HCN1: variants seen among roughly 807,000 people sequenced by gnomAD.
The protein encoded by HCN1 is potassium/sodium hyperpolarization-activated cyclic nucleotide-gated channel 1.
Under a neutral mutation model 78.9 loss-of-function variants are expected in HCN1, and 13 were observed. That is an observed-to-expected ratio of 0.16 (90% CI 0.11 to 0.26). The LOEUF (loss-of-function observed/expected upper bound fraction) is 0.26. HCN1 is among the 10% of genes least tolerant of loss of function. The pLI is 1.00. For missense variants in HCN1, 810 were observed against 1,154.3 expected, an observed-to-expected ratio of 0.70 and a Z score of 4.32; for synonymous variants, 552 against 455.5, an observed-to-expected ratio of 1.21 and a Z score of -2.70.
intron 2 of HCN1, among the ~76,000 whole-genome samples, chr5:45,587,747 A>G (rs1303780736): frequency 6.6e-6 from 1 of 152,132 alleles, no homozygotes; most frequent in Non-Finnish European, 1.5e-5. Context: ...AAAATTAAAG[A>G]CCCAGAACAT....
At chr5:45,273,003 T>C (rs1252595278) in intron 6 of HCN1, among the ~76,000 whole-genome samples, 4 of 152,124 alleles carry the variant, frequency 2.6e-5, no homozygotes. Context: ...AGAGCTCAAC[T>C]AAGAACTTCC....
chr5:45,615,845 G>A (rs2696008), intron 2 of HCN1, among the ~76,000 whole-genome samples: 110 of 151,782 alleles, frequency 7.2e-4, no homozygotes, highest in African/African-American at 2.5e-3. Flanking sequence ...GATTACAAAC[G>A]AATCTTCTAT....
chr5:45,593,610 G>T (rs1460293896), intron 2 of HCN1, among the ~76,000 whole-genome samples: 1 of 150,940 alleles, frequency 6.6e-6, no homozygotes, highest in East Asian at 1.9e-4. Context: ...ATGTGTTCTG[G>T]ACTTTTAAAT....
chr5:45,412,050 A>G (rs1419640429), intron 3 of HCN1, among the ~76,000 whole-genome samples: 1 of 152,134 alleles, frequency 6.6e-6, no homozygotes, highest in African/African-American at 2.4e-5. Context: ...AAACAACAGT[A>G]TGGCTTACTG....
At chr5:45,342,667 C>G (rs371514955) in intron 5 of HCN1, among the ~76,000 whole-genome samples, 1 of 151,928 alleles carries the variant, frequency 6.6e-6, no homozygotes. Context: ...GATATTTAGC[C>G]TCATATTTTT....
intron 2 of HCN1, among the ~76,000 whole-genome samples, chr5:45,637,654 G>C (rs1271368766): frequency 1.3e-5 from 2 of 151,596 alleles, no homozygotes; most frequent in African/African-American, 4.8e-5. Context: ...TAAATAAAAT[G>C]AGATGGATAA....
intron 2 of HCN1, among the ~76,000 whole-genome samples, chr5:45,629,253 T>C (rs991183074): frequency 2.6e-5 from 4 of 152,232 alleles, no homozygotes; most frequent in African/African-American, 9.6e-5. Context: ...AGTATATTAA[T>C]ATCCTTTTCT....
At chr5:45,401,324 G>A (rs1436483840) in intron 3 of HCN1, among the ~76,000 whole-genome samples, 1 of 152,066 alleles carries the variant, frequency 6.6e-6, no homozygotes. Flanking sequence ...TACCAAATGG[G>A]CTTGCTCATC....
intron 2 of HCN1, among the ~76,000 whole-genome samples, chr5:45,581,954 T>C (rs1475513591): frequency 1.3e-5 from 2 of 152,216 alleles, no homozygotes; most frequent in Non-Finnish European, 2.9e-5. Flanking sequence ...TCAGGTAGTG[T>C]GATGCCTCCA....
rs1369376449 is a variant in HCN1 at position 45,351,145 on chromosome 5, C to T, written c.1377+1955G>A. ...AAACTATACTACAAGTCTACAGTAA[C>T]CAAAACAGCATGGTACTGATACCAA... is the stretch of plus-strand genomic sequence containing the variant. On this transcript the variant is annotated intron_variant, in intron 5 of 7. Transcript: ENST00000303230. Among the ~76,000 whole-genome samples, 8 of 152,044 alleles carry T rather than the reference C, an allele frequency of 5.3e-5. No homozygotes were observed. The East Asian group carries it at 5.8e-4, about 11-fold the overall frequency.
chr5:45,677,999 CACACACACACACACAT>C (rs1739621461), intron 1 of HCN1, among the ~76,000 whole-genome samples: 1 of 79,088 alleles, frequency 1.3e-5, no homozygotes, highest in African/African-American at 5.0e-5. Flanking sequence ...TACACACACA[CACACACACACACACAT>C]ACACACACAC....
intron 2 of HCN1, among the ~76,000 whole-genome samples, chr5:45,625,119 A>AT: frequency 6.6e-6 from 1 of 152,194 alleles, no homozygotes; most frequent in South Asian, 2.1e-4. Flanking sequence ...GGGAGCCAAC[A>AT]TAGTGAAACC....
chr5:45,583,995 T>A (rs1191234593), intron 2 of HCN1, among the ~76,000 whole-genome samples: 3 of 152,338 alleles, frequency 2.0e-5, no homozygotes, highest in Non-Finnish European at 2.9e-5. Flanking sequence ...CTAAAAAGAA[T>A]GTATATTCTG....
chr5:45,353,296 C>A, intron 4 of HCN1, 50 bp from the exon 5 acceptor site: 1 of 1,325,604 alleles, frequency 7.5e-7, no homozygotes, highest in Non-Finnish European at 1.1e-6. Context: ...TAGGGTGTAT[C>A]AGAAATCATA....
At position 45,267,201 on chromosome 5, in the gene HCN1, T is replaced by C; in HGVS notation, c.1671A>G (p.Thr557=). Residue 557 remains threonine, a synonymous_variant, in exon 7 of 8, where the codon ACA becomes ACG. Transcript: ENST00000303230. ...CGGAAAGTGAGTAAAGACGACAATA[T>C]GTATCAGCTCGAACACTGGCAGTAC... The part of the protein sequence containing the change: ...GRRTASVRAD[T]YCRLYSLSVD... The C allele has an allele frequency of 6.2e-7, 1 of 1,614,024 alleles. No homozygotes were observed. The highest frequency in any genetic ancestry group is 8.5e-7 in the Non-Finnish European group (1 of 1,179,960).
intron 2 of HCN1, among the ~76,000 whole-genome samples, chr5:45,590,897 T>C: frequency 6.6e-6 from 1 of 152,152 alleles, no homozygotes; most frequent in East Asian, 1.9e-4. Context: ...AGTGGCACAA[T>C]CATAGCTCAC....
intron 6 of HCN1, among the ~76,000 whole-genome samples, chr5:45,290,608 T>A (rs1015907132): frequency 6.6e-6 from 1 of 152,044 alleles, no homozygotes; most frequent in African/African-American, 2.4e-5. Context: ...AGTTTGGGAT[T>A]AGTTAATTTA....
chr5:45,262,134 C>A lies in HCN1; in HGVS notation c.2460G>T (p.Thr820=), dbSNP rs772076370. ...ESLASIPQPV[T]AVPGTGLQAG... ...CCTGAAGGCCCGTTCCGGGGACCGC[C>A]GTCACGGGTTGAGGGATGGAGGCCA... The change falls in exon 8 of 8, where the codon ACG becomes ACT. Residue 820 remains threonine, a synonymous_variant. Transcript: ENST00000303230. 2.5e-5 allele frequency: 41 copies of A among 1,613,058 alleles called. No individual in the cohort carries two copies. The highest frequency in any genetic ancestry group is 3.3e-5 in the Non-Finnish European group (39 of 1,179,468).
chr5:45,531,095 G>T (rs1742836553), intron 2 of HCN1, among the ~76,000 whole-genome samples: 1 of 150,736 alleles, frequency 6.6e-6, no homozygotes, highest in African/African-American at 2.4e-5. Flanking sequence ...ATCATCACAT[G>T]AAAAAAACAG....
Sources: allele counts gnomAD v4.1 joint callset (sites outside exome capture counted in the v4.1 genomes callset), GRCh38; gene constraint gnomAD v4.1.1; transcripts MANE v1.5; gene names NCBI Gene and HGNC (gene_info 2026-07-23, HGNC 2026-07-21).